The following ACTR3C variants were observed in gnomAD, a reference collection of about 807,000 sequenced individuals.
ACTR3C encodes the protein actin-related protein 3C.
ACTR3C carries 18 observed loss-of-function variants against 26.3 expected under a neutral mutation model. The ratio of observed to expected loss-of-function variants is 0.68; its 90% CI spans 0.47 to 1.01. The LOEUF (loss-of-function observed/expected upper bound fraction) is 1.01, where lower values mean the gene tolerates loss of function less well. Ranked by LOEUF, ACTR3C falls within the 50% of genes least tolerant of loss-of-function variation. ACTR3C has a pLI of 0.00. For synonymous variants in ACTR3C, 55 were observed against 94.5 expected, an observed-to-expected ratio of 0.58 and a Z score of 2.42; for missense variants, 184 against 250.7, an observed-to-expected ratio of 0.73 and a Z score of 1.80.
At chr7:150,052,308 G>A in the ACTR3C span, among the ~76,000 whole-genome samples, 1 of 152,066 alleles carries the variant, frequency 6.6e-6, no homozygotes, top group South Asian at 2.1e-4. Context: ...CTCTCCACTA[G>A]GGGCTGGGTA....
At chr7:149,956,644 T>A in the ACTR3C span, among the ~76,000 whole-genome samples, 1 of 152,194 alleles carries the variant, frequency 6.6e-6, no homozygotes, top group African/African-American at 2.4e-5. Context: ...GAACCATGGT[T>A]GTTTAATCAG....
At chr7:150,221,193 A>G in the ACTR3C span, among the ~76,000 whole-genome samples, 1 of 152,262 alleles carries the variant, frequency 6.6e-6, no homozygotes. Context: ...TGGCTTGACC[A>G]GGGCGGTATT....
At chr7:150,019,896 C>T in the ACTR3C span, among the ~76,000 whole-genome samples, 1 of 152,022 alleles carries the variant, frequency 6.6e-6, no homozygotes, top group East Asian at 1.9e-4. Flanking sequence ...CATAATGATA[C>T]TGAAAGTTTT....
the ACTR3C span, among the ~76,000 whole-genome samples, chr7:149,990,832 T>C: frequency 3.9e-5 from 6 of 152,146 alleles, no homozygotes; most frequent in African/African-American, 1.2e-4. Context: ...ACATAATCTG[T>C]GGGAGCACAG....
At chr7:150,234,235 A>G in the ACTR3C span, among the ~76,000 whole-genome samples, 7 of 152,260 alleles carry the variant, frequency 4.6e-5, no homozygotes, top group African/African-American at 1.2e-4. Flanking sequence ...TAGGGGGTCC[A>G]TGTCCCTTAC....
chr7:150,165,844 G>T, the ACTR3C span, among the ~76,000 whole-genome samples: 1 of 151,236 alleles, frequency 6.6e-6, no homozygotes, highest in African/African-American at 2.5e-5. Flanking sequence ...AACCCATAGG[G>T]TAATGAGGAA....
At chr7:150,269,509 C>T (rs1642142576) in intron 6 of ACTR3C, among the ~76,000 whole-genome samples, 2 of 149,318 alleles carry the variant, frequency 1.3e-5, no homozygotes, top group Middle Eastern at 3.4e-3. Context: ...GCGTCAGCAC[C>T]GGCCCAGGGA....
the ACTR3C span, among the ~76,000 whole-genome samples, chr7:150,183,053 T>A: frequency 6.6e-6 from 1 of 150,926 alleles, no homozygotes; most frequent in Admixed American, 6.6e-5. Flanking sequence ...GAGGGCAATG[T>A]TCTTTGCAAA....
chr7:150,187,080 A>G, the ACTR3C span, among the ~76,000 whole-genome samples: 4 of 151,812 alleles, frequency 2.6e-5, no homozygotes, highest in African/African-American at 9.7e-5. Flanking sequence ...CTACAGGAAC[A>G]CAATATGAGC....
At chr7:150,291,952 G>A (rs182404897) in intron 3 of ACTR3C, among the ~76,000 whole-genome samples, 45 of 151,422 alleles carry the variant, frequency 3.0e-4, no homozygotes, top group African/African-American at 8.8e-4. Context: ...GTATGGGGGC[G>A]GGAGGCTGGC....
At chr7:149,928,441 C>T in the ACTR3C span, among the ~76,000 whole-genome samples, 1 of 144,746 alleles carries the variant, frequency 6.9e-6, no homozygotes, top group South Asian at 2.1e-4. Context: ...AGGATGGTCT[C>T]GATCTCCTGA....
At chr7:150,004,094 T>C in the ACTR3C span, among the ~76,000 whole-genome samples, 1 of 150,418 alleles carries the variant, frequency 6.6e-6, no homozygotes, top group Non-Finnish European at 1.5e-5. Flanking sequence ...GTGCTGTGTG[T>C]CGTGTGTATG....
chr7:150,252,650 G>C (rs1325547074), intron 6 of ACTR3C, among the ~76,000 whole-genome samples: 1 of 152,178 alleles, frequency 6.6e-6, no homozygotes, highest in Non-Finnish European at 1.5e-5. Context: ...AGTTATTGCT[G>C]TGTCATAACT....
intron 1 of ACTR3C, among the ~76,000 whole-genome samples, chr7:150,317,738 T>C (rs529397321): frequency 3.3e-5 from 5 of 152,200 alleles, no homozygotes; most frequent in African/African-American, 1.2e-4. Flanking sequence ...GCTAAGAAAA[T>C]AGGCATCTAT....
At chr7:150,111,948 C>A in the ACTR3C span, among the ~76,000 whole-genome samples, 2 of 152,034 alleles carry the variant, frequency 1.3e-5, no homozygotes, top group Admixed American at 6.6e-5. Flanking sequence ...TTCGCTGACT[C>A]CTCGTTTTTT....
rs183248696 is a variant in ACTR3C, at chr7:150,319,332, C to G, written c.-52+4137G>C. Among the ~76,000 whole-genome samples, 5 of 152,100 alleles carry G rather than the reference C, an allele frequency of 3.3e-5. No homozygotes were observed. In the East Asian group the frequency reaches 9.6e-4, roughly 29 times the overall value. Reference sequence around the variant, plus strand: ...AAGCGATTCTCCTGCCTTGGCCTCCCGAATAGCTGGGATTACAGGCATGCA... The same window carrying G: ...AAGCGATTCTCCTGCCTTGGCCTCCGGAATAGCTGGGATTACAGGCATGCA... On this transcript the variant is annotated intron_variant, in intron 1 of 7. Coordinates refer to ENST00000683684, the MANE Select transcript of ACTR3C (RefSeq NM_001164458.2).
chr7:150,018,836 A>G, the ACTR3C span, among the ~76,000 whole-genome samples: 2 of 150,494 alleles, frequency 1.3e-5, no homozygotes, highest in African/African-American at 5.0e-5. Flanking sequence ...GAGACTTTCA[A>G]GATTTTCTGA....
At chr7:150,063,867 G>A in the ACTR3C span, among the ~76,000 whole-genome samples, 1 of 152,162 alleles carries the variant, frequency 6.6e-6, no homozygotes, top group Non-Finnish European at 1.5e-5. Context: ...CAGAGTTAGA[G>A]TTGGCACGCT....
chr7:150,301,805 G>A (rs953784627), intron 1 of ACTR3C, among the ~76,000 whole-genome samples: 1 of 151,462 alleles, frequency 6.6e-6, no homozygotes, highest in Non-Finnish European at 1.5e-5. Flanking sequence ...ATTTATATGA[G>A]GGCCCTAGAG....
Sources: gnomAD v4.1 joint callset for allele counts (sites outside exome capture counted in the v4.1 genomes callset) on GRCh38, gnomAD v4.1.1 for gene constraint, MANE v1.5 for transcripts, NCBI Gene and HGNC (gene_info 2026-07-23, HGNC 2026-07-21) for gene names.